Variants in ASIC2 observed in about 807,000 individuals in gnomAD.
ASIC2 encodes the protein acid sensing ion channel subunit 2.
A neutral mutation model predicts 57.3 loss-of-function variants in ASIC2; 25 were observed. The ratio of observed to expected loss-of-function variants is 0.44; its 90% confidence interval spans 0.32 to 0.61. The LOEUF (loss-of-function observed/expected upper bound fraction) is 0.61, where lower values mean the gene tolerates loss of function less well. Among genes scored for constraint, ASIC2 ranks in the 20% least tolerant of loss-of-function variants. The pLI is 0.06. For synonymous variants in ASIC2, 319 were observed against 307.5 expected (o/e 1.04, Z -0.39); for missense variants, 641 against 738.1 (o/e 0.87, Z 1.52).
chr17:33,455,132 A>T (rs1334639373), intron 1 of ASIC2, among the ~76,000 whole-genome samples: 1 of 152,252 alleles, frequency 6.6e-6, no homozygotes, highest in Non-Finnish European at 1.5e-5. Context: ...CTTACAGGAT[A>T]GCACTGTGCC....
At chr17:33,302,556 C>T (rs1906002711) in intron 1 of ASIC2, among the ~76,000 whole-genome samples, 1 of 152,172 alleles carries the variant, frequency 6.6e-6, no homozygotes, top group South Asian at 2.1e-4. Context: ...TCCATTCAGG[C>T]TGGCTGCATT....
chr17:33,468,299 C>A (rs767760456), intron 1 of ASIC2, among the ~76,000 whole-genome samples: 8 of 152,122 alleles, frequency 5.3e-5, no homozygotes, highest in Non-Finnish European at 1.0e-4. Flanking sequence ...GTTGAGGAGG[C>A]AAAGACCATC....
chr17:33,111,724 A>T, intron 2 of ASIC2, 193 bp downstream of exon 2: 1 of 640,944 alleles, frequency 1.6e-6, no homozygotes, highest in Non-Finnish European at 2.4e-6. Flanking sequence ...CCTCTCTCAC[A>T]TAGTAAAAGG....
intron 1 of ASIC2, among the ~76,000 whole-genome samples, chr17:33,176,488 C>T (rs943420392): frequency 5.6e-4 from 85 of 152,250 alleles, no homozygotes; most frequent in African/African-American, 1.5e-3. Context: ...GGGAGGCATA[C>T]ACCACCATGC....
intron 1 of ASIC2, among the ~76,000 whole-genome samples, chr17:33,609,744 C>T (rs1253733084): frequency 6.6e-6 from 1 of 152,044 alleles, no homozygotes; most frequent in African/African-American, 2.4e-5. Flanking sequence ...CTCACCTTAT[C>T]TGTGGGGCAC....
intron 1 of ASIC2, among the ~76,000 whole-genome samples, chr17:33,805,299 A>G (rs1260942094): frequency 6.6e-6 from 1 of 152,084 alleles, no homozygotes. Context: ...CTGTTGATTG[A>G]CCCAGGTTCT....
At position 33,912,098 on chromosome 17, in the gene ASIC2, C is replaced by A. The variant is rs181216843; in HGVS notation, c.555+243880G>T. Among the ~76,000 whole-genome samples, 253 of 143,494 alleles carry A rather than the reference C, an allele frequency of 1.8e-3. 2 individuals are homozygous for A. Among genetic ancestry groups the A allele is most frequent in the African/African-American group, 6.1e-3 (231 of 38,040 alleles). 94.1% of individuals were successfully genotyped at this position (143,494 alleles called of 152,430 possible). On this transcript the variant is annotated intron_variant, in intron 1 of 9. Transcript: ENST00000359872. ...GAGGTTGCAGTGAGCTGAAATCACGCCATTGCACTCCAGCCTGGGTAACAG... is the reference window on the plus strand; with the variant it reads ...GAGGTTGCAGTGAGCTGAAATCACGACATTGCACTCCAGCCTGGGTAACAG...
At chr17:33,094,697 G>A (rs2092171326) in intron 2 of ASIC2, among the ~76,000 whole-genome samples, 1 of 152,146 alleles carries the variant, frequency 6.6e-6, no homozygotes, top group South Asian at 2.1e-4. Context: ...GCAGCCCATG[G>A]TTTTGGAAGT....
At chr17:33,748,398 T>C (rs966459924) in intron 1 of ASIC2, among the ~76,000 whole-genome samples, 1 of 152,236 alleles carries the variant, frequency 6.6e-6, no homozygotes, top group Non-Finnish European at 1.5e-5. Flanking sequence ...TGGAAACTCC[T>C]TTGGCCTCAG....
chr17:33,933,949 G>A (rs1372830275), intron 1 of ASIC2, among the ~76,000 whole-genome samples: 3 of 152,218 alleles, frequency 2.0e-5, no homozygotes, highest in East Asian at 3.9e-4. Context: ...CAAGGCAGCC[G>A]AGCTGTTAGT....
intron 1 of ASIC2, among the ~76,000 whole-genome samples, chr17:33,311,067 C>A (rs758265260): frequency 1.1e-4 from 16 of 152,070 alleles, no homozygotes; most frequent in Non-Finnish European, 2.1e-4. Context: ...AAGCTCAGAC[C>A]CTCTGCAAGA....
intron 1 of ASIC2, among the ~76,000 whole-genome samples, chr17:33,847,320 A>G (rs1913636256): frequency 6.6e-6 from 1 of 152,026 alleles, no homozygotes; most frequent in Non-Finnish European, 1.5e-5. Context: ...CACCTCACCC[A>G]GCCCTTCATC....
At position 34,011,487 on chromosome 17, in the gene ASIC2, T is replaced by C. The variant is rs987277363; in HGVS notation, c.555+144491A>G. Among the ~76,000 whole-genome samples the C allele has an allele frequency of 6.6e-5, 10 of 152,242 alleles. No individual in the cohort carries two copies. The East Asian group carries it at 1.9e-3, about 29-fold the overall frequency. Reference sequence around the variant, plus strand: ...CAATGTCTTTAACCTCCCCCTCCCATGGCTTCTTCTCAACAACCCACAATG... The same window carrying C: ...CAATGTCTTTAACCTCCCCCTCCCACGGCTTCTTCTCAACAACCCACAATG... On this transcript the variant is annotated intron_variant, in intron 1 of 9. Transcript: ENST00000359872.
At chr17:33,839,240 T>C (rs1913357555) in intron 1 of ASIC2, among the ~76,000 whole-genome samples, 1 of 152,068 alleles carries the variant, frequency 6.6e-6, no homozygotes. Flanking sequence ...ATCAAGACAA[T>C]AGATCTAAAT....
At chr17:33,185,109 T>G (rs1198687487) in intron 1 of ASIC2, among the ~76,000 whole-genome samples, 1 of 152,236 alleles carries the variant, frequency 6.6e-6, no homozygotes, top group Non-Finnish European at 1.5e-5. Flanking sequence ...GAAGCGTCAA[T>G]GGAACTCAGA....
intron 3 of ASIC2, among the ~76,000 whole-genome samples, chr17:33,064,055 A>T (rs2092031853): frequency 6.6e-6 from 1 of 152,090 alleles, no homozygotes. Context: ...CTAGTTAGCC[A>T]GTTGTCTAGT....
chr17:34,047,719 C>A (rs921821945), intron 1 of ASIC2, among the ~76,000 whole-genome samples: 1 of 152,076 alleles, frequency 6.6e-6, no homozygotes, highest in African/African-American at 2.4e-5. Flanking sequence ...TGTGCCAGTT[C>A]TGAGCCTGTG....
At chr17:34,130,816 A>G (rs911780277) in intron 1 of ASIC2, among the ~76,000 whole-genome samples, 2 of 152,240 alleles carry the variant, frequency 1.3e-5, no homozygotes, top group Admixed American at 1.3e-4. Flanking sequence ...TTTTGAAATG[A>G]AAAGATGGGT....
At chr17:34,098,297 A>G (rs1910619926) in intron 1 of ASIC2, among the ~76,000 whole-genome samples, 1 of 152,224 alleles carries the variant, frequency 6.6e-6, no homozygotes, top group African/African-American at 2.4e-5. Flanking sequence ...CTGACTTAAC[A>G]GCTTGCAGAA....
Sources: gnomAD v4.1 joint callset for allele counts (sites outside exome capture counted in the v4.1 genomes callset) on GRCh38, gnomAD v4.1.1 for gene constraint, MANE v1.5 for transcripts, NCBI Gene and HGNC (gene_info 2026-07-23, HGNC 2026-07-21) for gene names.